Variants in THBS4 observed in about 807,000 individuals in gnomAD.
THBS4 encodes the protein thrombospondin-4.
In THBS4, 90 loss-of-function variants were observed where a neutral mutation model predicts 115.7. The ratio of observed to expected loss-of-function variants is 0.78; its 90% CI spans 0.66 to 0.93. The LOEUF is 0.93. Ranked by LOEUF, THBS4 falls within the 40% of genes least tolerant of loss-of-function variation. The pLI, the probability that THBS4 is intolerant of heterozygous loss-of-function variation, is 0.00. For missense variants in THBS4, 1,087 were observed against 1,232.7 expected (o/e 0.88, Z 1.77); for synonymous variants, 460 against 479.3 (o/e 0.96, Z 0.53).
At chr5:80,003,635 A>T (rs1329292887) in intron 2 of THBS4, among the ~76,000 whole-genome samples, 1 of 152,254 alleles carries the variant, frequency 6.6e-6, no homozygotes, top group Admixed American at 6.5e-5. Context: ...CCTCAAGAAG[A>T]AAAGAACAAA....
chr5:80,053,831 T>C (rs1833331778), intron 2 of THBS4, among the ~76,000 whole-genome samples: 1 of 152,308 alleles, frequency 6.6e-6, no homozygotes, highest in Admixed American at 6.5e-5. Flanking sequence ...CCCAAAGTGC[T>C]GGGTTTGGGA....
chr5:80,015,219 G>A (rs2451940), intron 2 of THBS4, among the ~76,000 whole-genome samples: 38,146 of 152,180 alleles, frequency 0.25, 5,385 homozygotes, highest in African/African-American at 0.39. Context: ...TAAATATCCA[G>A]TTAGGGGATG....
At chr5:80,059,948 C>T in intron 7 of THBS4, 43 bp downstream of exon 7, 3 of 1,575,174 alleles carry the variant, frequency 1.9e-6, no homozygotes, top group Non-Finnish European at 2.6e-6. Context: ...TAAGTATCCT[C>T]CTCACCCTGC....
chr5:80,002,236 C>T (rs1831914671), intron 2 of THBS4, among the ~76,000 whole-genome samples: 1 of 152,160 alleles, frequency 6.6e-6, no homozygotes, highest in Non-Finnish European at 1.5e-5. Context: ...CCACTACCTT[C>T]AGTAGCTGCC....
Position 80,079,158 on chromosome 5 carries a change from A to C in THBS4, c.2411A>C (p.Asp804Ala). The change falls in exon 19 of 22, where the codon GAT becomes GCT. Residue 804 changes from aspartate (D) to alanine (A), a missense_variant. Transcript: ENST00000350881. ...DYAGFIFGYQ[D>A]SSSFYVVMWK... ...GCAGGCTTTATCTTTGGCTACCAAG[A>C]TAGCTCCAGCTTCTACGTGGTCATG... is the stretch of plus-strand genomic sequence containing the variant. 1 of 1,614,258 alleles carries C rather than the reference A, an allele frequency of 6.2e-7. No homozygotes were observed. The highest frequency in any genetic ancestry group is 8.5e-7 in the Non-Finnish European group (1 of 1,180,044).
chr5:80,055,508 T>C (rs1212059848), intron 2 of THBS4, among the ~76,000 whole-genome samples: 1 of 152,142 alleles, frequency 6.6e-6, no homozygotes, highest in African/African-American at 2.4e-5. Flanking sequence ...GAGAATTGTA[T>C]TGTTTATTTT....
chr5:80,071,112 A>G lies in THBS4; in HGVS notation c.1652A>G (p.Asn551Ser), dbSNP rs532138754. Residue 551 changes from asparagine (N) to serine (S), a missense_variant, in exon 13 of 22, where the codon AAT becomes AGT. By Grantham distance (46) the Asn-to-Ser change is conservative. Transcript: ENST00000350881. ...TGTGATAACTGCCTGAGTGTCTTAA[A>G]TAACGACCAGAAAGACACCGATGGG... ...DACDNCLSVL[N>S]NDQKDTDGDG... 2.4e-5 allele frequency: 38 copies of G among 1,610,722 alleles called. No individual in the cohort carries two copies. In the South Asian group the frequency reaches 4.1e-4, roughly 17 times the overall value.
intron 1 of THBS4, 94 bp from the exon 2 acceptor site, chr5:80,039,983 T>C (rs1832840496): frequency 9.2e-7 from 1 of 1,081,756 alleles, no homozygotes; most frequent in Non-Finnish European, 1.4e-6. Flanking sequence ...ACTTTGTAGC[T>C]TACTGTCAAA....
chr5:80,018,959 A>C (rs1291022211), intron 2 of THBS4, among the ~76,000 whole-genome samples: 1 of 150,780 alleles, frequency 6.6e-6, no homozygotes, highest in Non-Finnish European at 1.5e-5. Flanking sequence ...ATTTTTTGAG[A>C]ACTGGTTAAA....
At chr5:80,015,226 G>A (rs1277518244) in intron 2 of THBS4, among the ~76,000 whole-genome samples, 10 of 152,234 alleles carry the variant, frequency 6.6e-5, no homozygotes, top group Non-Finnish European at 1.5e-4. Context: ...CCAGTTAGGG[G>A]ATGGGGAAAG....
At chr5:80,030,657 G>A (rs1223588834), upstream of THBS4, among the ~76,000 whole-genome samples, 2 of 152,108 alleles carry the variant, frequency 1.3e-5, no homozygotes, top group South Asian at 2.1e-4. Context: ...GTGAGCTACT[G>A]CGCCTGGCCT....
chr5:80,062,553 A>C (rs1371135310), intron 8 of THBS4, among the ~76,000 whole-genome samples: 1 of 152,136 alleles, frequency 6.6e-6, no homozygotes, highest in Non-Finnish European at 1.5e-5. Context: ...TTATTGTTAT[A>C]CTTTAAGTTC....
intron 1 of THBS4, among the ~76,000 whole-genome samples, chr5:79,995,220 T>C (rs1264412939): frequency 6.6e-6 from 1 of 152,240 alleles, no homozygotes; most frequent in Admixed American, 6.5e-5. Context: ...TGGATTTACA[T>C]AGTCAAGGAT....
chr5:80,033,112 T>C (rs1456750789), upstream of THBS4: 1 of 267,744 alleles, frequency 3.7e-6, no homozygotes, highest in African/African-American at 2.3e-5. Flanking sequence ...AGAAACAGGG[T>C]AACATCAACA....
rs1163128103 is a variant in THBS4, at chr5:80,040,291, T to G, written c.292+11T>G. On this transcript the variant is annotated intron_variant, in intron 2 of 21. Transcript: ENST00000350881. ...GACGCTTAAACAAAGGTAAGCAAAT[T>G]TGCTGAAATTATTTTCTTAAAAATC... The G allele has an allele frequency of 6.2e-7, 1 of 1,600,614 alleles. No individual in the cohort carries two copies. The highest frequency in any genetic ancestry group is 2.2e-5 in the East Asian group (1 of 44,570).
At chr5:80,077,983 C>A in intron 16 of THBS4, 66 bp from the exon 17 acceptor site, 1 of 1,385,756 alleles carries the variant, frequency 7.2e-7, no homozygotes, top group Non-Finnish European at 9.6e-7. Flanking sequence ...CAGCCCCCTT[C>A]CCTGCCAAGG....
intron 2 of THBS4, among the ~76,000 whole-genome samples, chr5:80,043,895 C>T (rs778246732): frequency 3.3e-5 from 5 of 152,338 alleles, no homozygotes; most frequent in East Asian, 1.9e-4. Flanking sequence ...GGGGCTTCCA[C>T]TCTGCATGGC....
chr5:80,001,280 T>TAGG (rs35266065), intron 2 of THBS4, among the ~76,000 whole-genome samples: 92,772 of 151,718 alleles, frequency 0.61, 28,482 homozygotes, highest in South Asian at 0.66. Context: ...AGAAATATTT[T>TAGG]AGAAGTTTGG....
At position 80,055,924 on chromosome 5, in the gene THBS4, C is replaced by T; in HGVS notation, c.432C>T (p.Tyr144=). The change falls in exon 3 of 22, where the codon TAC becomes TAT. Residue 144 remains tyrosine, a synonymous_variant. Coordinates refer to ENST00000350881, the MANE Select transcript of THBS4 (RefSeq NM_003248.6). ...LQRGAGSLEL[Y]LDCIQVDSVH... is the part of the protein sequence containing the mutation. ...GAGGGGCCGGCTCCCTAGAGCTCTA[C>T]CTGGACTGCATCCAGGTGGATTCCG... The T allele has an allele frequency of 1.2e-6, 2 of 1,614,210 alleles. No homozygotes were observed. The highest frequency in any genetic ancestry group is 1.7e-6 in the Non-Finnish European group (2 of 1,180,030).
Sources: gnomAD v4.1 joint callset for allele counts (sites outside exome capture counted in the v4.1 genomes callset) on GRCh38, gnomAD v4.1.1 for gene constraint, MANE v1.5 for transcripts, NCBI Gene and HGNC (gene_info 2026-07-23, HGNC 2026-07-21) for gene names.